The following DOK5 variants were observed in gnomAD, a reference collection of about 807,000 sequenced individuals.
The protein encoded by DOK5 is docking protein 5.
Under a neutral mutation model 43.3 loss-of-function variants are expected in DOK5, and 27 were observed. The observed-to-expected ratio is 0.62, with a 90% CI of 0.46 to 0.86. The LOEUF is 0.86. DOK5 is among the 40% of genes least tolerant of loss of function. The probability of loss-of-function intolerance (pLI) is 0.00; values close to 1 mark genes in which losing one functional copy is unlikely to be tolerated. For synonymous variants in DOK5, 146 were observed against 140.1 expected (o/e 1.04, Z -0.30); for missense variants, 373 against 392.9 (o/e 0.95, Z 0.43).
At chr20:54,523,887 G>C (rs1159904601) in intron 1 of DOK5, among the ~76,000 whole-genome samples, 1 of 152,148 alleles carries the variant, frequency 6.6e-6, no homozygotes, top group Non-Finnish European at 1.5e-5. Context: ...ACAGACATGA[G>C]CCACCGCGCC....
At chr20:54,559,242 A>G (rs1194088368) in intron 2 of DOK5, among the ~76,000 whole-genome samples, 2 of 152,230 alleles carry the variant, frequency 1.3e-5, no homozygotes, top group Non-Finnish European at 2.9e-5. Flanking sequence ...AGTGGAAGGA[A>G]GACCATTGAC....
At chr20:54,595,221 G>A (rs1352659078) in intron 5 of DOK5, among the ~76,000 whole-genome samples, 3 of 152,056 alleles carry the variant, frequency 2.0e-5, no homozygotes, top group Admixed American at 2.0e-4. Flanking sequence ...GGCACCTGTG[G>A]TCCCAGCTAC....
At chr20:54,568,438 G>A (rs1985164393) in intron 2 of DOK5, among the ~76,000 whole-genome samples, 1 of 152,194 alleles carries the variant, frequency 6.6e-6, no homozygotes, top group African/African-American at 2.4e-5. Flanking sequence ...TCTCAAGTTG[G>A]TGAAAAGTTT....
intron 6 of DOK5, among the ~76,000 whole-genome samples, chr20:54,614,911 A>G (rs1986758556): frequency 6.6e-6 from 1 of 152,204 alleles, no homozygotes; most frequent in Admixed American, 6.5e-5. Flanking sequence ...TGCCTCGGTT[A>G]TTGTTTTGCC....
At chr20:54,531,594 G>T (rs1338376680) in intron 1 of DOK5, among the ~76,000 whole-genome samples, 1 of 152,212 alleles carries the variant, frequency 6.6e-6, no homozygotes, top group East Asian at 1.9e-4. Flanking sequence ...TACTATTGGA[G>T]ACAAAGTCTT....
intron 1 of DOK5, among the ~76,000 whole-genome samples, chr20:54,500,393 T>C (rs771671741): frequency 6.6e-6 from 1 of 152,112 alleles, no homozygotes; most frequent in Non-Finnish European, 1.5e-5. Context: ...ATTGTCATTG[T>C]TTTGCTGAAT....
chr20:54,608,436 G>C (rs1172828203), intron 5 of DOK5, among the ~76,000 whole-genome samples: 1 of 152,182 alleles, frequency 6.6e-6, no homozygotes, highest in African/African-American at 2.4e-5. Flanking sequence ...ATAGAGTCAA[G>C]TTTGTATGGC....
intron 1 of DOK5, among the ~76,000 whole-genome samples, chr20:54,499,992 G>A (rs1238408696): frequency 2.0e-5 from 3 of 152,172 alleles, no homozygotes; most frequent in African/African-American, 4.8e-5. Context: ...ATTAGTAACA[G>A]GGCTAGGTGA....
At chr20:54,612,125 G>C (rs1297567667) in intron 6 of DOK5, among the ~76,000 whole-genome samples, 1 of 152,160 alleles carries the variant, frequency 6.6e-6, no homozygotes, top group Non-Finnish European at 1.5e-5. Flanking sequence ...TTACTCTTCT[G>C]TTGATTTTCT....
At chr20:54,528,481 G>C (rs1009473336) in intron 1 of DOK5, among the ~76,000 whole-genome samples, 1 of 151,580 alleles carries the variant, frequency 6.6e-6, no homozygotes, top group African/African-American at 2.4e-5. Flanking sequence ...CAAGATGGCT[G>C]TTGAAGCTCC....
At chr20:54,592,341 C>T (rs1398823515) in intron 5 of DOK5, among the ~76,000 whole-genome samples, 1 of 152,058 alleles carries the variant, frequency 6.6e-6, no homozygotes, top group Non-Finnish European at 1.5e-5. Flanking sequence ...CTTTGTGATA[C>T]CGACTAAGCA....
At chr20:54,510,076 A>ACCTGCACAT (rs1982962429) in intron 1 of DOK5, among the ~76,000 whole-genome samples, 1 of 152,164 alleles carries the variant, frequency 6.6e-6, no homozygotes, top group Admixed American at 6.5e-5. Flanking sequence ...TATGTAACAA[A>ACCTGCACAT]CCTGCACATC....
chr20:54,514,711 T>G (rs1395547070), intron 1 of DOK5, among the ~76,000 whole-genome samples: 2 of 150,954 alleles, frequency 1.3e-5, no homozygotes, highest in Non-Finnish European at 2.9e-5. Context: ...GTAAAACTGA[T>G]GTTAGAAGAA....
At chr20:54,506,537 C>T (rs769298242) in intron 1 of DOK5, among the ~76,000 whole-genome samples, 8 of 152,128 alleles carry the variant, frequency 5.3e-5, no homozygotes, top group Admixed American at 1.3e-4. Context: ...CATGGCTCAC[C>T]GCAGCCTCCA....
chr20:54,557,445 A>T (rs945996093), intron 2 of DOK5, among the ~76,000 whole-genome samples: 8 of 151,930 alleles, frequency 5.3e-5, no homozygotes, highest in Non-Finnish European at 1.2e-4. Context: ...ATGCTTGCTC[A>T]CCTTCTGCGG....
chr20:54,488,019 T>C (rs1982010543), intron 1 of DOK5, among the ~76,000 whole-genome samples: 1 of 152,234 alleles, frequency 6.6e-6, no homozygotes, highest in East Asian at 1.9e-4. Context: ...TTTTCCAAAC[T>C]TTTAAGAAAT....
intron 5 of DOK5, among the ~76,000 whole-genome samples, chr20:54,601,627 T>G (rs1400482878): frequency 4.6e-5 from 7 of 152,254 alleles, no homozygotes; most frequent in African/African-American, 1.7e-4. Context: ...AAGGTCTCTG[T>G]GCACATTTGA....
intron 2 of DOK5, among the ~76,000 whole-genome samples, chr20:54,584,113 A>C (rs57634148): frequency 0.22 from 33,638 of 151,838 alleles, 7,974 homozygotes; most frequent in African/African-American, 0.6. Flanking sequence ...CACTGTGCAC[A>C]AGCCTGGGTG....
intron 1 of DOK5, among the ~76,000 whole-genome samples, chr20:54,476,964 C>T (rs549358176): frequency 2.7e-5 from 4 of 149,704 alleles, no homozygotes; most frequent in South Asian, 4.2e-4. Flanking sequence ...TCCCTCATTT[C>T]TCTTTGCCTC....
Sources: allele counts gnomAD v4.1 joint callset (sites outside exome capture counted in the v4.1 genomes callset), GRCh38; gene constraint gnomAD v4.1.1; transcripts MANE v1.5; gene names NCBI Gene and HGNC (gene_info 2026-07-23, HGNC 2026-07-21).